The following ZNF423 variants were observed in gnomAD, a reference collection of about 807,000 sequenced individuals.
ZNF423 encodes the protein Ebf-associated zinc finger protein.
Under a neutral mutation model 95.8 loss-of-function variants are expected in ZNF423, and 12 were observed. The observed-to-expected ratio is 0.13, with a 90% CI of 0.08 to 0.20. The LOEUF is 0.20. Ranked by LOEUF, ZNF423 falls within the 10% of genes least tolerant of loss-of-function variation. The pLI, the probability that ZNF423 is intolerant of heterozygous loss-of-function variation, is 1.00. For missense variants in ZNF423, 1,316 were observed against 1,737.1 expected (o/e 0.76, Z 4.31); for synonymous variants, 749 against 711.9 (o/e 1.05, Z -0.83).
chr16:49,845,035 C>CAAAAAAAAAAAAAAA (rs71138011), intron 1 of ZNF423, among the ~76,000 whole-genome samples: 1 of 63,516 alleles, frequency 1.6e-5, no homozygotes, highest in Non-Finnish European at 2.6e-5. Context: ...AACTCCATCT[C>CAAAAAAAAAAAAAAA]AAAAAAAAAA....
intron 3 of ZNF423, among the ~76,000 whole-genome samples, chr16:49,691,515 G>A (rs1015489578): frequency 3.3e-5 from 5 of 152,182 alleles, no homozygotes; most frequent in Non-Finnish European, 4.4e-5. Context: ...GGCGGATCAC[G>A]AGATCAGGAG....
intron 2 of ZNF423, among the ~76,000 whole-genome samples, chr16:49,750,540 G>A (rs888721267): frequency 6.6e-5 from 10 of 152,144 alleles, no homozygotes; most frequent in African/African-American, 2.2e-4. Flanking sequence ...TCAGCCAGAC[G>A]CTCCTCTCCA....
intron 5 of ZNF423, among the ~76,000 whole-genome samples, chr16:49,583,096 C>A (rs1362804363): frequency 6.6e-6 from 1 of 152,222 alleles, no homozygotes; most frequent in Non-Finnish European, 1.5e-5. Context: ...CCAAGAAGAA[C>A]CACGATGAGA....
At chr16:49,798,029 G>C (rs1430458393) in intron 1 of ZNF423, among the ~76,000 whole-genome samples, 1 of 152,138 alleles carries the variant, frequency 6.6e-6, no homozygotes, top group African/African-American at 2.4e-5. Flanking sequence ...GGGCAACATA[G>C]CAAGATACTA....
rs754304924 is a variant in ZNF423, at chr16:49,636,592, C to T, written c.2584G>A (p.Glu862Lys). The T allele has an allele frequency of 5.0e-6, 8 of 1,613,868 alleles. No homozygotes were observed. Among genetic ancestry groups the T allele is most frequent in the Non-Finnish European group, 6.8e-6 (8 of 1,179,934 alleles). Reference sequence around the variant, plus strand: ...AGCATGCCCTGCAGGTCAGCAGGCTCAGCTTTCTTGGTGGCCATTGGGGGT... The same window carrying T: ...AGCATGCCCTGCAGGTCAGCAGGCTTAGCTTTCTTGGTGGCCATTGGGGGT... ...GVPPMATKKA[E>K]PADLQGMLLK... Residue 862 changes from glutamate (E) to lysine (K), a missense_variant, in exon 4 of 8, where the codon GAG becomes AAG. Transcript: ENST00000563137. The surrounding 1 kb of genome is among the most constrained non-coding windows in gnomAD (Gnocchi z 8.6).
chr16:49,846,835 A>G (rs1254199460), intron 1 of ZNF423, among the ~76,000 whole-genome samples: 1 of 151,992 alleles, frequency 6.6e-6, no homozygotes, highest in Non-Finnish European at 1.5e-5. Flanking sequence ...AATATACTCT[A>G]TGTTGCTGGT....
At chr16:49,558,931 C>T (rs1969929612) in intron 5 of ZNF423, among the ~76,000 whole-genome samples, 1 of 152,206 alleles carries the variant, frequency 6.6e-6, no homozygotes, top group Admixed American at 6.5e-5. Context: ...GCAATGACAT[C>T]AGAACCACTC....
chr16:49,757,914 T>G (rs1259875711), intron 2 of ZNF423, among the ~76,000 whole-genome samples: 1 of 152,082 alleles, frequency 6.6e-6, no homozygotes, highest in African/African-American at 2.4e-5. Flanking sequence ...GCTCCTCCCC[T>G]CCACACTGTT....
At chr16:49,507,218 T>A (rs1378154116) in intron 7 of ZNF423, among the ~76,000 whole-genome samples, 1 of 152,244 alleles carries the variant, frequency 6.6e-6, no homozygotes, top group Non-Finnish European at 1.5e-5. Context: ...TGTAAAATGC[T>A]GTATGGACAC....
At chr16:49,840,220 C>T (rs568445498) in intron 1 of ZNF423, among the ~76,000 whole-genome samples, 7 of 152,252 alleles carry the variant, frequency 4.6e-5, no homozygotes, top group East Asian at 3.9e-4. Context: ...CAGAGTCCCA[C>T]GCTGGCATTT....
At chr16:49,499,778 A>G (rs1967319162) in intron 7 of ZNF423, among the ~76,000 whole-genome samples, 1 of 152,182 alleles carries the variant, frequency 6.6e-6, no homozygotes, top group African/African-American at 2.4e-5. Flanking sequence ...GGAAGAAAAA[A>G]GCCCAATAAA....
intron 4 of ZNF423, among the ~76,000 whole-genome samples, chr16:49,634,343 C>G (rs562262262): frequency 6.6e-6 from 1 of 152,218 alleles, no homozygotes; most frequent in Non-Finnish European, 1.5e-5. Context: ...AGCCACAGCA[C>G]CCGGCCTCGC....
intron 2 of ZNF423, among the ~76,000 whole-genome samples, chr16:49,755,299 C>T (rs1366992061): frequency 6.6e-6 from 1 of 152,188 alleles, no homozygotes; most frequent in Non-Finnish European, 1.5e-5. Flanking sequence ...ATTAACCGAG[C>T]CCACCAGAAC....
At chr16:49,520,075 A>AT (rs1411716799) in intron 7 of ZNF423, among the ~76,000 whole-genome samples, 4 of 151,900 alleles carry the variant, frequency 2.6e-5, no homozygotes, top group East Asian at 1.9e-4. Context: ...ATTTGGTTTT[A>AT]TTTTTTTCAT....
intron 3 of ZNF423, among the ~76,000 whole-genome samples, chr16:49,662,637 C>T (rs1324987687): frequency 3.3e-5 from 5 of 152,020 alleles, no homozygotes; most frequent in African/African-American, 7.2e-5. Flanking sequence ...TAAATCAGTC[C>T]GTAGTAAATC....
intron 5 of ZNF423, among the ~76,000 whole-genome samples, chr16:49,598,358 G>T (rs544288459): frequency 6.6e-6 from 1 of 152,390 alleles, no homozygotes; most frequent in Admixed American, 6.5e-5. Context: ...CACGTAAGGT[G>T]CCTGGCCACA....
At chr16:49,856,213 C>A (rs2035368074), upstream of ZNF423, 1 of 137,848 alleles carries the variant, frequency 7.3e-6, no homozygotes, top group African/African-American at 2.7e-5. Flanking sequence ...CCCTCCCCCA[C>A]CCTACCGCCA....
rs1258595147 is a variant in ZNF423, at chr16:49,644,681, A to C, written c.302-5807T>G. ...CTCAAAAAAAAAAAAAAAAAAAAAA[A>C]AAAAAAAAAAAAAAAACCGTGAGCC... is the stretch of plus-strand genomic sequence containing the variant. On this transcript the variant is annotated intron_variant, in intron 3 of 7. Coordinates refer to ENST00000563137, the MANE Select transcript of ZNF423 (RefSeq NM_001379286.1). Among the ~76,000 whole-genome samples the C allele has an allele frequency of 8.7e-4, 124 of 142,316 alleles. 1 individual carries two copies. The highest frequency in any genetic ancestry group is 1.6e-3 in the Non-Finnish European group (101 of 63,820). 93.4% of individuals were successfully genotyped at this position (142,316 alleles called of 152,430 possible). A position where few individuals can be genotyped will look rare whatever the true frequency, so the allele number is the denominator to read the frequency against.
chr16:49,521,112 C>T (rs1968379192), intron 7 of ZNF423, among the ~76,000 whole-genome samples: 1 of 152,142 alleles, frequency 6.6e-6, no homozygotes, highest in South Asian at 2.1e-4. Context: ...AAGCAGCAGC[C>T]TCCCTCCACC....
Sources: allele counts gnomAD v4.1 joint callset (sites outside exome capture counted in the v4.1 genomes callset), GRCh38; gene constraint gnomAD v4.1.1; non-coding constraint Gnocchi (gnomAD v3.1); transcripts MANE v1.5; gene names NCBI Gene and HGNC (gene_info 2026-07-23, HGNC 2026-07-21).